Variants in PPM1L observed in about 807,000 individuals in gnomAD.
The protein encoded by PPM1L is protein phosphatase, Mg2+/Mn2+ dependent 1L.
PPM1L carries 13 observed loss-of-function variants against 31.4 expected under a neutral mutation model. That is an observed-to-expected ratio of 0.41 (90% CI 0.27 to 0.66). The LOEUF (loss-of-function observed/expected upper bound fraction) is 0.66, where lower values mean the gene tolerates loss of function less well. PPM1L is among the 30% of genes least tolerant of loss of function. PPM1L has a pLI of 0.29. For missense variants in PPM1L, 326 were observed against 453.7 expected, an observed-to-expected ratio of 0.72 and a Z score of 2.56; for synonymous variants, 184 against 175.4, an observed-to-expected ratio of 1.05 and a Z score of -0.39.
chr3:160,796,539 A>G (rs1712255852), intron 1 of PPM1L, among the ~76,000 whole-genome samples: 1 of 152,208 alleles, frequency 6.6e-6, no homozygotes, highest in Non-Finnish European at 1.5e-5. Context: ...GTGCAACTTC[A>G]CTTTGCTCTT....
At chr3:160,995,448 G>A (rs1360504941) in intron 2 of PPM1L, among the ~76,000 whole-genome samples, 1 of 152,084 alleles carries the variant, frequency 6.6e-6, no homozygotes, top group Non-Finnish European at 1.5e-5. Flanking sequence ...AGCCTCCTGA[G>A]TAGCTGGGAT....
intron 1 of PPM1L, among the ~76,000 whole-genome samples, chr3:160,835,641 C>A (rs186150270): frequency 6.6e-6 from 1 of 152,218 alleles, no homozygotes; most frequent in East Asian, 1.9e-4. Flanking sequence ...TCCTCTCTAC[C>A]ACAGACTTCT....
chr3:160,865,899 G>T (rs1402843851), intron 1 of PPM1L, among the ~76,000 whole-genome samples: 2 of 152,292 alleles, frequency 1.3e-5, no homozygotes, highest in South Asian at 2.1e-4. Context: ...AAGTAGTGGG[G>T]GTAGATTTAT....
At chr3:160,815,752 AG>A (rs1334218977) in intron 1 of PPM1L, among the ~76,000 whole-genome samples, 1 of 152,188 alleles carries the variant, frequency 6.6e-6, no homozygotes, top group Non-Finnish European at 1.5e-5. Flanking sequence ...ATCAAAGAGA[AG>A]GGGAAGGGTG....
chr3:160,817,627 T>C (rs1218054192), intron 1 of PPM1L, among the ~76,000 whole-genome samples: 1 of 151,154 alleles, frequency 6.6e-6, no homozygotes, highest in Admixed American at 6.6e-5. Flanking sequence ...TTCTTATTTT[T>C]GCAGGTCATG....
chr3:160,855,724 A>G (rs916034986), intron 1 of PPM1L, among the ~76,000 whole-genome samples: 2 of 152,130 alleles, frequency 1.3e-5, no homozygotes, highest in Admixed American at 6.6e-5. Context: ...GATGCTGGCG[A>G]GGTTGTGGAG....
intron 2 of PPM1L, among the ~76,000 whole-genome samples, chr3:161,000,506 A>G (rs2108051213): frequency 6.6e-6 from 1 of 152,348 alleles, no homozygotes; most frequent in East Asian, 1.9e-4. Context: ...ACACATAACC[A>G]GTAAGCAAGG....
At chr3:161,051,892 C>A (rs1301771377) in intron 2 of PPM1L, among the ~76,000 whole-genome samples, 6 of 152,144 alleles carry the variant, frequency 3.9e-5, no homozygotes, top group African/African-American at 9.7e-5. Context: ...CCATAATTTC[C>A]TGATTTTCTC....
intron 2 of PPM1L, among the ~76,000 whole-genome samples, chr3:160,975,319 T>C (rs1716526392): frequency 6.6e-6 from 1 of 151,786 alleles, no homozygotes; most frequent in South Asian, 2.1e-4. Context: ...TGCCTCCAGC[T>C]TTGTTCTTTT....
chr3:160,775,807 C>G (rs747309522), intron 1 of PPM1L, among the ~76,000 whole-genome samples: 8 of 152,194 alleles, frequency 5.3e-5, no homozygotes, highest in Non-Finnish European at 8.8e-5. Context: ...TCTATAGTTT[C>G]CCTTCCCCAA....
intron 1 of PPM1L, among the ~76,000 whole-genome samples, chr3:160,899,234 C>T (rs1016799644): frequency 4.6e-5 from 7 of 152,060 alleles, no homozygotes; most frequent in South Asian, 2.1e-4. Flanking sequence ...TATGCTCTTA[C>T]GATTAGAGAA....
chr3:160,882,832 A>G (rs1712772475), intron 1 of PPM1L, among the ~76,000 whole-genome samples: 1 of 152,246 alleles, frequency 6.6e-6, no homozygotes, highest in Admixed American at 6.5e-5. Context: ...ATGTAAAGGT[A>G]AGTGATTCTC....
intron 2 of PPM1L, among the ~76,000 whole-genome samples, chr3:160,973,764 GTTTTTTTTTTTTTTTT>G (rs75599237): frequency 2.6e-4 from 23 of 88,476 alleles, no homozygotes; most frequent in African/African-American, 5.1e-4. Context: ...GAAAGGCCCT[GTTTTTTTTTTTTTTTT>G]TTTTTTTTTT....
chr3:160,786,177 G>A (rs1260268973), intron 1 of PPM1L, among the ~76,000 whole-genome samples: 2 of 70,468 alleles, frequency 2.8e-5, no homozygotes, highest in East Asian at 1.1e-3. Flanking sequence ...GTGTGTGTGT[G>A]TGTGTGTGTG....
chr3:160,903,432 C>T (rs889786842), intron 1 of PPM1L, among the ~76,000 whole-genome samples: 1 of 151,858 alleles, frequency 6.6e-6, no homozygotes, highest in Admixed American at 6.6e-5. Flanking sequence ...TAAGACTCAC[C>T]CATATTATGG....
chr3:161,055,464 G>T (rs564525911), intron 2 of PPM1L, among the ~76,000 whole-genome samples: 1 of 152,156 alleles, frequency 6.6e-6, no homozygotes, highest in South Asian at 2.1e-4. Flanking sequence ...GCCTTCACCT[G>T]CTCTTTTTCC....
At chr3:160,920,641 A>T (rs867664251) in intron 1 of PPM1L, among the ~76,000 whole-genome samples, 18 of 148,794 alleles carry the variant, frequency 1.2e-4, no homozygotes, top group Admixed American at 6.8e-5. Context: ...ACACACACTC[A>T]CACACACACA....
rs199884793 is a variant in PPM1L, at chr3:161,028,471, A to C, written c.575-36932A>C. On this transcript the variant is annotated intron_variant, in intron 2 of 3. Transcript: ENST00000498165. ...GGAGAAAAGAAAGCGGGCCAAGGGCAGAACCCTGGGGAACAGGTAGAAGAA... is the reference window on the plus strand; with the variant it reads ...GGAGAAAAGAAAGCGGGCCAAGGGCCGAACCCTGGGGAACAGGTAGAAGAA... Among the ~76,000 whole-genome samples, 53 of 152,288 alleles carry C rather than the reference A, an allele frequency of 3.5e-4. No homozygotes were observed. The East Asian group carries it at 9.1e-3, about 26-fold the overall frequency.
At chr3:161,012,332 G>C (rs914162949) in intron 2 of PPM1L, among the ~76,000 whole-genome samples, 1 of 152,104 alleles carries the variant, frequency 6.6e-6, no homozygotes, top group African/African-American at 2.4e-5. Flanking sequence ...ATTGATTTGC[G>C]TATGTTGAAC....
Sources: allele counts gnomAD v4.1 joint callset (sites outside exome capture counted in the v4.1 genomes callset), GRCh38; gene constraint gnomAD v4.1.1; transcripts MANE v1.5; gene names NCBI Gene and HGNC (gene_info 2026-07-23, HGNC 2026-07-21).